PARG: variants seen among roughly 807,000 people sequenced by gnomAD.
The protein encoded by PARG is mitochondrial poly(ADP-ribose) glycohydrolase.
A neutral mutation model predicts 113.0 loss-of-function variants in PARG; 35 were observed. The observed-to-expected ratio is 0.31, with a 90% CI of 0.24 to 0.41. The LOEUF (loss-of-function observed/expected upper bound fraction) is 0.41, where lower values mean the gene tolerates loss of function less well. Among genes scored for constraint, PARG ranks in the 10% least tolerant of loss-of-function variants. PARG has a pLI of 1.00. For missense variants in PARG, 797 were observed against 1,169.4 expected, an observed-to-expected ratio of 0.68 and a Z score of 4.64; for synonymous variants, 330 against 409.9, an observed-to-expected ratio of 0.81 and a Z score of 2.36.
At chr10:49,868,909 T>A (rs1554837400) in intron 10 of PARG, among the ~76,000 whole-genome samples, 2 of 152,070 alleles carry the variant, frequency 1.3e-5, no homozygotes, top group Admixed American at 1.3e-4. Context: ...AATACCAATC[T>A]ATTATCAGCT....
chr10:49,844,531 G>T (rs761543195), intron 13 of PARG, among the ~76,000 whole-genome samples: 2 of 151,470 alleles, frequency 1.3e-5, no homozygotes, highest in East Asian at 3.9e-4. Context: ...GCTGAGGCAG[G>T]AGAATCGCTT....
intron 7 of PARG, among the ~76,000 whole-genome samples, chr10:49,902,994 A>G (rs1449025508): frequency 2.0e-5 from 3 of 151,900 alleles, no homozygotes; most frequent in Non-Finnish European, 4.4e-5. Flanking sequence ...CACCCAGCTA[A>G]TTTTTTATTT....
At chr10:49,932,838 A>G (rs1838557314) in intron 3 of PARG, among the ~76,000 whole-genome samples, 2 of 152,188 alleles carry the variant, frequency 1.3e-5, no homozygotes, top group African/African-American at 4.8e-5. Flanking sequence ...AAAAAAAAAA[A>G]AAAAAGTGTA....
chr10:49,919,076 C>A (rs1837656534), intron 6 of PARG, among the ~76,000 whole-genome samples: 2 of 151,932 alleles, frequency 1.3e-5, no homozygotes, highest in Non-Finnish European at 2.9e-5. Context: ...GAGTAGCGGG[C>A]ATTACAGGCA....
chr10:49,917,277 T>C (rs1304832207), intron 6 of PARG, among the ~76,000 whole-genome samples: 1 of 151,898 alleles, frequency 6.6e-6, no homozygotes, highest in Non-Finnish European at 1.5e-5. Flanking sequence ...GATCACAATG[T>C]CAGGAGATCC....
At chr10:49,833,868 A>C (rs1222098549) in intron 15 of PARG, among the ~76,000 whole-genome samples, 4 of 152,216 alleles carry the variant, frequency 2.6e-5, no homozygotes, top group Non-Finnish European at 1.5e-5. Flanking sequence ...TGATCTTGAC[A>C]AATGTTCCCA....
chr10:49,919,795 C>T (rs1353828437), intron 6 of PARG, among the ~76,000 whole-genome samples: 3 of 152,168 alleles, frequency 2.0e-5, no homozygotes, highest in African/African-American at 4.8e-5. Flanking sequence ...GCATGAGAAT[C>T]GCTTGAGCCA....
intron 9 of PARG, among the ~76,000 whole-genome samples, chr10:49,878,741 A>G (rs1342404299): frequency 2.0e-5 from 3 of 152,042 alleles, no homozygotes; most frequent in Non-Finnish European, 4.4e-5. Flanking sequence ...CCTACTCTGC[A>G]TACTGCCCCA....
intron 13 of PARG, among the ~76,000 whole-genome samples, chr10:49,844,692 T>A (rs893997330): frequency 6.7e-6 from 1 of 148,508 alleles, no homozygotes; most frequent in South Asian, 2.1e-4. Flanking sequence ...GGAGGTTGCA[T>A]TGAACTGAGA....
intron 7 of PARG, among the ~76,000 whole-genome samples, chr10:49,907,592 C>G (rs2132789935): frequency 6.6e-6 from 1 of 152,200 alleles, no homozygotes; most frequent in Admixed American, 6.5e-5. Flanking sequence ...GATAAAAATA[C>G]TACAATAGTC....
At chr10:49,927,354 GAAA>G (rs1564664747) in intron 4 of PARG, among the ~76,000 whole-genome samples, 89 of 106,526 alleles carry the variant, frequency 8.4e-4, no homozygotes, top group African/African-American at 3.2e-3. Context: ...AGGAAGGAAA[GAAA>G]GAAGGAAAGA....
chr10:49,823,701 G>C (rs1554829048), intron 16 of PARG, among the ~76,000 whole-genome samples: 1 of 151,622 alleles, frequency 6.6e-6, no homozygotes, highest in Non-Finnish European at 1.5e-5. Context: ...ACCTTTTACT[G>C]AAAATGAAAA....
At chr10:49,868,595 A>G (rs1554837338) in intron 10 of PARG, among the ~76,000 whole-genome samples, 1 of 152,208 alleles carries the variant, frequency 6.6e-6, no homozygotes, top group African/African-American at 2.4e-5. Flanking sequence ...AAAATGATTC[A>G]AAGACATATT....
chr10:49,885,585 C>T (rs1847436639), intron 7 of PARG, among the ~76,000 whole-genome samples: 1 of 152,112 alleles, frequency 6.6e-6, no homozygotes, highest in Non-Finnish European at 1.5e-5. Flanking sequence ...ACAACATTCA[C>T]AATAAAGTAA....
intron 7 of PARG, among the ~76,000 whole-genome samples, chr10:49,900,338 T>C (rs1489760061): frequency 1.3e-5 from 2 of 151,994 alleles, no homozygotes; most frequent in Non-Finnish European, 2.9e-5. Flanking sequence ...ATTCACAGAC[T>C]TTCTGGATGT....
At chr10:49,921,781 T>TTTAGATATTAGAAAAACAATC (rs1402682697) in intron 6 of PARG, among the ~76,000 whole-genome samples, 1 of 151,478 alleles carries the variant, frequency 6.6e-6, no homozygotes, top group Non-Finnish European at 1.5e-5. Flanking sequence ...TCACTCATAT[T>TTTAGATATTAGAAAAACAATC]TTAGATATTA....
chr10:49,891,076 A>C (rs1847752769), intron 7 of PARG, among the ~76,000 whole-genome samples: 2 of 152,240 alleles, frequency 1.3e-5, no homozygotes, highest in African/African-American at 4.8e-5. Flanking sequence ...GCACTTTGGG[A>C]GGCCAAGGCA....
chr10:49,899,044 T>A (rs1350574569), intron 7 of PARG, among the ~76,000 whole-genome samples: 15 of 152,244 alleles, frequency 9.9e-5, no homozygotes, highest in African/African-American at 3.6e-4. Context: ...AATAAAAATA[T>A]GTTAAATTAA....
At chr10:49,833,450 A>C (rs1324954919) in intron 15 of PARG, among the ~76,000 whole-genome samples, 2 of 152,234 alleles carry the variant, frequency 1.3e-5, no homozygotes, top group Non-Finnish European at 2.9e-5. Context: ...GCAAGCAACT[A>C]TCTATAGAAG....
Sources: allele counts gnomAD v4.1 joint callset (sites outside exome capture counted in the v4.1 genomes callset), GRCh38; gene constraint gnomAD v4.1.1; transcripts MANE v1.5; gene names NCBI Gene and HGNC (gene_info 2026-07-23, HGNC 2026-07-21).